The following TTC28 variants were observed in gnomAD, a reference collection of about 807,000 sequenced individuals.
The protein encoded by TTC28 is tetratricopeptide repeat domain 28.
Under a neutral mutation model 198.0 loss-of-function variants are expected in TTC28, and 61 were observed. The ratio of observed to expected loss-of-function variants is 0.31; its 90% CI spans 0.25 to 0.38. TTC28 has a LOEUF of 0.38. Ranked by LOEUF, TTC28 falls within the 10% of genes least tolerant of loss-of-function variation. The probability of loss-of-function intolerance (pLI) is 1.00; values close to 1 mark genes in which losing one functional copy is unlikely to be tolerated. For missense variants in TTC28, 2,678 were observed against 3,164.0 expected (o/e 0.85, Z 3.69); for synonymous variants, 1,171 against 1,297.8 (o/e 0.90, Z 2.10).
intron 6 of TTC28, among the ~76,000 whole-genome samples, chr22:28,130,687 CTT>C (rs1171695492): frequency 6.6e-6 from 1 of 152,206 alleles, no homozygotes; most frequent in African/African-American, 2.4e-5. Flanking sequence ...CCTTGAAAGT[CTT>C]TTGGAAAATC....
chr22:28,138,688 T>C (rs924807424), intron 6 of TTC28, among the ~76,000 whole-genome samples: 18 of 152,174 alleles, frequency 1.2e-4, no homozygotes, highest in African/African-American at 3.4e-4. Context: ...AACTTGTCCA[T>C]AGAAAACCCC....
intron 2 of TTC28, among the ~76,000 whole-genome samples, chr22:28,485,296 C>T (rs1318620469): frequency 1.3e-5 from 2 of 152,150 alleles, no homozygotes; most frequent in Non-Finnish European, 2.9e-5. Context: ...TTTTTAGTTA[C>T]ATGAAAGTCA....
At chr22:28,540,980 G>C (rs1043446844) in intron 2 of TTC28, among the ~76,000 whole-genome samples, 3 of 152,102 alleles carry the variant, frequency 2.0e-5, no homozygotes. Context: ...TAGCTGAAAG[G>C]CAACAAGAAA....
chr22:28,169,674 T>G (rs1297918763), intron 5 of TTC28, among the ~76,000 whole-genome samples: 1 of 151,670 alleles, frequency 6.6e-6, no homozygotes, highest in East Asian at 1.9e-4. Flanking sequence ...CTGTTGTGGG[T>G]TGTGGGGAGC....
At chr22:28,470,723 C>A (rs1052429560) in intron 2 of TTC28, among the ~76,000 whole-genome samples, 2 of 152,030 alleles carry the variant, frequency 1.3e-5, no homozygotes, top group Admixed American at 1.3e-4. Flanking sequence ...AAGAAAAGTA[C>A]GTTTGTAAGA....
intron 2 of TTC28, among the ~76,000 whole-genome samples, chr22:28,608,577 C>T (rs1254145330): frequency 6.6e-6 from 1 of 152,060 alleles, no homozygotes; most frequent in Admixed American, 6.6e-5. Context: ...TCCAAAATAT[C>T]CCTCGGAATC....
At chr22:28,182,603 C>T (rs1050025008) in intron 5 of TTC28, among the ~76,000 whole-genome samples, 1 of 152,112 alleles carries the variant, frequency 6.6e-6, no homozygotes, top group Non-Finnish European at 1.5e-5. Context: ...GAACTTCTGG[C>T]TTCCATCCAT....
rs376425425 is a variant in TTC28 at position 28,001,397 on chromosome 22, G to C, written c.4375C>G (p.Arg1459Gly). 21 of 1,550,944 alleles carry C rather than the reference G, an allele frequency of 1.4e-5. No homozygotes were observed. Among genetic ancestry groups the C allele is most frequent in the Non-Finnish European group, 1.4e-5 (16 of 1,146,658 alleles). ...RFGLLAVPSI[R>G]SLSVQSKSHL... ...ACCTTGGACTGCACGCTGAGGGAGCGGATGGAAGGGACAGCAAGGAGGCCG... is the reference window on the plus strand; with the variant it reads ...ACCTTGGACTGCACGCTGAGGGAGCCGATGGAAGGGACAGCAAGGAGGCCG... The change falls in exon 15 of 23, where the codon CGC becomes GGC. Residue 1459 changes from arginine (R) to glycine (G), a missense_variant. This residue lies in a region of TTC28 where 727 missense variants were observed against 861.9 expected (regional missense o/e 0.84). Coordinates refer to ENST00000397906, the MANE Select transcript of TTC28 (RefSeq NM_001145418.2).
chr22:28,584,166 A>C (rs1266288504), intron 2 of TTC28, among the ~76,000 whole-genome samples: 7 of 152,032 alleles, frequency 4.6e-5, no homozygotes, highest in Non-Finnish European at 8.8e-5. Flanking sequence ...TTTCTTCTGA[A>C]ATAGCCTGAT....
chr22:28,470,194 G>A (rs1471407716), intron 2 of TTC28, among the ~76,000 whole-genome samples: 1 of 152,136 alleles, frequency 6.6e-6, no homozygotes, highest in Non-Finnish European at 1.5e-5. Flanking sequence ...TAACTATGTG[G>A]TAATTTATTA....
At chr22:28,622,385 A>T (rs1231463001) in intron 2 of TTC28, among the ~76,000 whole-genome samples, 1 of 152,206 alleles carries the variant, frequency 6.6e-6, no homozygotes, top group East Asian at 1.9e-4. Flanking sequence ...ATTTGAACTG[A>T]GACCAGAGCT....
At chr22:28,309,345 T>C (rs1221686917) in intron 2 of TTC28, among the ~76,000 whole-genome samples, 3 of 152,196 alleles carry the variant, frequency 2.0e-5, no homozygotes, top group Admixed American at 6.5e-5. Flanking sequence ...CAAGAAACTA[T>C]ATAATTGAGA....
intron 5 of TTC28, among the ~76,000 whole-genome samples, chr22:28,258,925 G>GTGTT (rs1325771032): frequency 6.6e-6 from 1 of 151,784 alleles, no homozygotes; most frequent in Non-Finnish European, 1.5e-5. Context: ...GTGTGTGTGT[G>GTGTT]TGTGTGTCCT....
chr22:28,622,635 G>C (rs2146189098), intron 2 of TTC28, among the ~76,000 whole-genome samples: 1 of 151,914 alleles, frequency 6.6e-6, no homozygotes, highest in Admixed American at 6.6e-5. Flanking sequence ...AATAAATGAA[G>C]AAAAAAGTCC....
At chr22:28,314,854 CAG>C (rs1441692205) in intron 2 of TTC28, among the ~76,000 whole-genome samples, 1 of 151,998 alleles carries the variant, frequency 6.6e-6, no homozygotes, top group African/African-American at 2.4e-5. Flanking sequence ...GCCTGGGAAA[CAG>C]AGTGAGACCT....
chr22:28,088,677 C>G lies in TTC28; in HGVS notation c.3932+5403G>C, dbSNP rs562334894. On this transcript the variant is annotated intron_variant, in intron 12 of 22. Coordinates refer to ENST00000397906, the MANE Select transcript of TTC28 (RefSeq NM_001145418.2). Reference sequence around the variant, plus strand: ...AATTGACAAATGGGATCTAATTAAACTAAAGAGCTTCTGCACAGCAAAGGA... The same window carrying G: ...AATTGACAAATGGGATCTAATTAAAGTAAAGAGCTTCTGCACAGCAAAGGA... Among the ~76,000 whole-genome samples the G allele has an allele frequency of 7.2e-5, 11 of 152,284 alleles. No homozygotes were observed. In the South Asian group the frequency reaches 8.3e-4, roughly 11 times the overall value.
chr22:28,023,310 T>TGA (rs1272671950), intron 13 of TTC28, among the ~76,000 whole-genome samples: 2 of 152,208 alleles, frequency 1.3e-5, no homozygotes, highest in Non-Finnish European at 2.9e-5. Context: ...GTAACAAGTA[T>TGA]GAGGCTCTAG....
chr22:28,348,672 A>C (rs1365746895), intron 2 of TTC28, among the ~76,000 whole-genome samples: 2 of 152,188 alleles, frequency 1.3e-5, no homozygotes, highest in African/African-American at 4.8e-5. Flanking sequence ...CCTTTCATTC[A>C]TGACCAAATG....
At chr22:28,562,460 A>G (rs2145997585) in intron 2 of TTC28, among the ~76,000 whole-genome samples, 2 of 152,352 alleles carry the variant, frequency 1.3e-5, no homozygotes, top group South Asian at 4.1e-4. Context: ...GTTGGGTCCA[A>G]GGACAGTAAA....
Sources: allele counts gnomAD v4.1 joint callset (sites outside exome capture counted in the v4.1 genomes callset), GRCh38; gene constraint gnomAD v4.1.1; regional missense constraint gnomAD v4.1.1; transcripts MANE v1.5; gene names NCBI Gene and HGNC (gene_info 2026-07-23, HGNC 2026-07-21).